EPHA3: variants seen among roughly 807,000 people sequenced by gnomAD.
EPHA3 encodes the protein ephrin type-A receptor 3.
EPHA3 carries 42 observed loss-of-function variants against 107.1 expected under a neutral mutation model. That is an observed-to-expected ratio of 0.39 (90% CI 0.31 to 0.51). EPHA3 has a LOEUF of 0.51. Ranked by LOEUF, EPHA3 falls within the 20% of genes least tolerant of loss-of-function variation. The pLI is 0.78. For missense variants in EPHA3, 1,183 were observed against 1,211.2 expected, an observed-to-expected ratio of 0.98 and a Z score of 0.35; for synonymous variants, 461 against 424.8, an observed-to-expected ratio of 1.09 and a Z score of -1.05.
At chr3:89,460,348 C>A (rs965282848) in intron 15 of EPHA3, among the ~76,000 whole-genome samples, 1 of 131,090 alleles carries the variant, frequency 7.6e-6, no homozygotes, top group Non-Finnish European at 1.6e-5. Context: ...TGGAAGGCAA[C>A]ACAATTCATG....
At chr3:89,477,477 G>T (rs1277027436) in intron 16 of EPHA3, among the ~76,000 whole-genome samples, 1 of 152,102 alleles carries the variant, frequency 6.6e-6, no homozygotes, top group Non-Finnish European at 1.5e-5. Context: ...TTCTCAAATG[G>T]TTACCTATTG....
intron 5 of EPHA3, among the ~76,000 whole-genome samples, chr3:89,370,962 A>C (rs961190824): frequency 6.6e-6 from 1 of 151,562 alleles, no homozygotes; most frequent in African/African-American, 2.4e-5. Flanking sequence ...AAACATCTAC[A>C]TTTTGGTAAT....
chr3:89,310,494 ACC>A (rs1239818130), intron 3 of EPHA3, among the ~76,000 whole-genome samples: 1 of 151,788 alleles, frequency 6.6e-6, no homozygotes, highest in African/African-American at 2.4e-5. Context: ...AATTATGTTA[ACC>A]CCTTCCTTTC....
At chr3:89,350,085 A>G (rs1707771912) in intron 5 of EPHA3, among the ~76,000 whole-genome samples, 1 of 150,738 alleles carries the variant, frequency 6.6e-6, no homozygotes, top group Non-Finnish European at 1.5e-5. Context: ...GAATCTGATA[A>G]TTATGTGTCT....
chr3:89,197,135 T>TA (rs1267132348), intron 2 of EPHA3, among the ~76,000 whole-genome samples: 1 of 152,172 alleles, frequency 6.6e-6, no homozygotes, highest in Non-Finnish European at 1.5e-5. Context: ...TCTTATGACC[T>TA]AAAAGGACCT....
chr3:89,457,134 T>C (rs1229059983), intron 15 of EPHA3, among the ~76,000 whole-genome samples: 1 of 152,084 alleles, frequency 6.6e-6, no homozygotes, highest in Non-Finnish European at 1.5e-5. Context: ...TTTCTACAGG[T>C]AGGTAACAGG....
intron 15 of EPHA3, among the ~76,000 whole-genome samples, chr3:89,458,629 G>A (rs1207526556): frequency 1.3e-5 from 2 of 152,102 alleles, no homozygotes; most frequent in East Asian, 1.9e-4. Flanking sequence ...TAATTTACAC[G>A]CCCACCAACA....
chr3:89,369,333 A>G (rs1322354816), intron 5 of EPHA3, among the ~76,000 whole-genome samples: 10 of 150,236 alleles, frequency 6.7e-5, no homozygotes, highest in South Asian at 2.1e-4. Context: ...CAGAGCCCTC[A>G]GAAATAATGC....
rs182883748 is a variant in EPHA3 at position 89,109,019 on chromosome 3, G to A, written c.88+1183G>A. On this transcript the variant is annotated intron_variant, in intron 1 of 16. Coordinates refer to ENST00000336596, the MANE Select transcript of EPHA3 (RefSeq NM_005233.6). Reference sequence around the variant, plus strand: ...ATGTACCTTAATTTTAAAAACACGAGTAAAAACAAAATACTTAGAAAGTTT... The same window carrying A: ...ATGTACCTTAATTTTAAAAACACGAATAAAAACAAAATACTTAGAAAGTTT... 2.2e-3 allele frequency among the ~76,000 whole-genome samples: 330 copies of A among 152,166 alleles called. 2 individuals are homozygous for A. Among genetic ancestry groups the A allele is most frequent in the Middle Eastern group, 6.8e-3 (2 of 294 alleles).
chr3:89,188,506 A>T (rs1559591754), intron 2 of EPHA3, among the ~76,000 whole-genome samples: 1 of 152,206 alleles, frequency 6.6e-6, no homozygotes, highest in Non-Finnish European at 1.5e-5. Context: ...TTTCTAATAA[A>T]TGAAAAATTC....
chr3:89,219,353 G>T (rs1704292895), intron 3 of EPHA3, among the ~76,000 whole-genome samples: 1 of 151,922 alleles, frequency 6.6e-6, no homozygotes, highest in African/African-American at 2.4e-5. Flanking sequence ...AGTAGAGATG[G>T]GGTTTCTCCA....
At position 89,131,117 on chromosome 3, in the gene EPHA3, A is replaced by T. The variant is rs572604864; in HGVS notation, c.153+3844A>T. On this transcript the variant is annotated intron_variant, in intron 2 of 16. Transcript: ENST00000336596. ...AAATAATACTCAAATTTGTAAACTG[A>T]AATTATTTGTGGAGGTCGTGAATAG... 1.7e-4 allele frequency among the ~76,000 whole-genome samples: 26 copies of T among 152,274 alleles called. No individual in the cohort carries two copies. The South Asian group carries it at 3.9e-3, about 23-fold the overall frequency.
intron 3 of EPHA3, among the ~76,000 whole-genome samples, chr3:89,223,932 A>G (rs1576244403): frequency 6.6e-6 from 1 of 152,214 alleles, no homozygotes; most frequent in East Asian, 1.9e-4. Flanking sequence ...TCTAAGATTA[A>G]CAGTGTGCTT....
chr3:89,367,020 C>A (rs1708197885), intron 5 of EPHA3, among the ~76,000 whole-genome samples: 1 of 150,556 alleles, frequency 6.6e-6, no homozygotes, highest in Non-Finnish European at 1.5e-5. Context: ...AGGTTCTCAT[C>A]AACCCTCATC....
At chr3:89,369,061 A>G (rs1483651611) in intron 5 of EPHA3, among the ~76,000 whole-genome samples, 1 of 150,482 alleles carries the variant, frequency 6.6e-6, no homozygotes, top group Non-Finnish European at 1.5e-5. Flanking sequence ...TTTCTCTGCT[A>G]TTGAAGCGTG....
chr3:89,351,092 G>A (rs1707803389), intron 5 of EPHA3, among the ~76,000 whole-genome samples: 1 of 151,378 alleles, frequency 6.6e-6, no homozygotes, highest in Admixed American at 6.6e-5. Flanking sequence ...CCTGCCCCCA[G>A]AGGTGGAGCC....
chr3:89,350,516 T>G (rs1443969133), intron 5 of EPHA3, among the ~76,000 whole-genome samples: 4 of 150,364 alleles, frequency 2.7e-5, no homozygotes, highest in East Asian at 1.9e-4. Flanking sequence ...TTATACATTC[T>G]TCTAAATTTT....
intron 10 of EPHA3, among the ~76,000 whole-genome samples, chr3:89,416,169 A>G (rs557255723): frequency 8.6e-5 from 13 of 151,568 alleles, no homozygotes; most frequent in African/African-American, 3.1e-4. Flanking sequence ...AGCATAAGAA[A>G]TTTTATTTTG....
intron 3 of EPHA3, among the ~76,000 whole-genome samples, chr3:89,249,567 T>TC (rs560428962): frequency 2.6e-5 from 4 of 152,040 alleles, no homozygotes; most frequent in African/African-American, 9.6e-5. Flanking sequence ...CTCGAGCAAT[T>TC]CCCCCGCCTC....
Sources: allele counts gnomAD v4.1 joint callset (sites outside exome capture counted in the v4.1 genomes callset), GRCh38; gene constraint gnomAD v4.1.1; transcripts MANE v1.5; gene names NCBI Gene and HGNC (gene_info 2026-07-23, HGNC 2026-07-21).